Variants in PPM1H observed in about 807,000 individuals in gnomAD.
PPM1H encodes protein phosphatase 1H.
A neutral mutation model predicts 54.9 loss-of-function variants in PPM1H; 27 were observed. The observed-to-expected ratio is 0.49, with a 90% CI of 0.36 to 0.68. PPM1H has a LOEUF of 0.68. PPM1H is among the 30% of genes least tolerant of loss of function. The pLI, the probability that PPM1H is intolerant of heterozygous loss-of-function variation, is 0.00. For missense variants in PPM1H, 596 were observed against 667.8 expected (o/e 0.89, Z 1.19); for synonymous variants, 305 against 270.8 (o/e 1.13, Z -1.24).
chr12:62,926,724 G>T (rs1047067453), intron 1 of PPM1H, among the ~76,000 whole-genome samples: 1 of 152,206 alleles, frequency 6.6e-6, no homozygotes, highest in Non-Finnish European at 1.5e-5. Context: ...GGAGGCCGAG[G>T]TGGGCGGATC....
At chr12:62,757,060 G>A (rs1034724643) in intron 4 of PPM1H, among the ~76,000 whole-genome samples, 2 of 152,166 alleles carry the variant, frequency 1.3e-5, no homozygotes, top group Non-Finnish European at 2.9e-5. Context: ...CCCCAATGAT[G>A]AGACTCTGCA....
chr12:62,776,442 A>G (rs1256996671), intron 4 of PPM1H, among the ~76,000 whole-genome samples: 2 of 152,242 alleles, frequency 1.3e-5, no homozygotes, highest in African/African-American at 4.8e-5. Context: ...GTCTTTCCAT[A>G]CTGGTTTGCA....
chr12:62,702,702 C>T (rs900727754), intron 6 of PPM1H, among the ~76,000 whole-genome samples: 6 of 152,190 alleles, frequency 3.9e-5, no homozygotes, highest in Non-Finnish European at 2.9e-5. Flanking sequence ...ATGCTCCCTT[C>T]GGGGACAGCA....
chr12:62,752,671 C>T (rs777212024), intron 4 of PPM1H, among the ~76,000 whole-genome samples: 1 of 152,104 alleles, frequency 6.6e-6, no homozygotes, highest in Admixed American at 6.6e-5. Context: ...GAGTCCCATG[C>T]CAAATCCCCT....
At chr12:62,768,227 A>C (rs1316855754) in intron 4 of PPM1H, among the ~76,000 whole-genome samples, 1 of 152,156 alleles carries the variant, frequency 6.6e-6, no homozygotes, top group Non-Finnish European at 1.5e-5. Context: ...AGAAAGGAAA[A>C]GGCAGCAGGA....
At chr12:62,696,431 T>TC (rs958840077) in intron 6 of PPM1H, among the ~76,000 whole-genome samples, 2 of 152,064 alleles carry the variant, frequency 1.3e-5, no homozygotes, top group Admixed American at 6.5e-5. Context: ...GCACTCCCTC[T>TC]CCCCCAGCAA....
chr12:62,682,564 T>G (rs2136629516), intron 8 of PPM1H, among the ~76,000 whole-genome samples: 1 of 152,286 alleles, frequency 6.6e-6, no homozygotes, highest in African/African-American at 2.4e-5. Context: ...AGCAGTGGTG[T>G]GATCATAGCT....
At chr12:62,782,400 C>T (rs137865434) in intron 4 of PPM1H, among the ~76,000 whole-genome samples, 14 of 152,322 alleles carry the variant, frequency 9.2e-5, no homozygotes, top group Middle Eastern at 3.4e-3. Flanking sequence ...TACCTAACTC[C>T]TGTCCTCAGG....
chr12:62,850,940 T>C, intron 1 of PPM1H: 1 of 152,128 alleles, frequency 6.6e-6, no homozygotes, highest in East Asian at 1.9e-4. Flanking sequence ...CAGCCATAAT[T>C]GTTAATGTAA....
chr12:62,874,936 G>A (rs1207240260), intron 1 of PPM1H, among the ~76,000 whole-genome samples: 1 of 152,122 alleles, frequency 6.6e-6, no homozygotes, highest in East Asian at 1.9e-4. Flanking sequence ...GGAGTGGAAG[G>A]GACACATAGG....
At chr12:62,720,739 G>GT (rs2076259026) in intron 5 of PPM1H, 1 of 164,788 alleles carries the variant, frequency 6.1e-6, no homozygotes, top group East Asian at 1.7e-4. Flanking sequence ...TTGAGTGCTG[G>GT]TTGGGGCTGG....
intron 2 of PPM1H, among the ~76,000 whole-genome samples, chr12:62,831,707 ATGTGTGTGTGTGTG>A (rs371871033): frequency 1.7e-5 from 2 of 117,164 alleles, no homozygotes; most frequent in African/African-American, 6.7e-5. Context: ...TTGTGTGTGT[ATGTGTGTGTGTGTG>A]TGTGTGTGAG....
At chr12:62,716,704 A>AT in intron 6 of PPM1H, among the ~76,000 whole-genome samples, 1 of 152,196 alleles carries the variant, frequency 6.6e-6, no homozygotes, top group East Asian at 1.9e-4. Flanking sequence ...TTTAAAAAAA[A>AT]TTTGTTATAG....
intron 6 of PPM1H, among the ~76,000 whole-genome samples, chr12:62,713,442 A>G (rs2076218477): frequency 6.6e-6 from 1 of 151,858 alleles, no homozygotes; most frequent in African/African-American, 2.4e-5. Context: ...GGCTGATGAA[A>G]TGGGTCTCCC....
chr12:62,836,750 T>C lies in PPM1H; in HGVS notation c.246-4471A>G, dbSNP rs1250005370. ...GAGGTTGAAAGTGAAGCACAGCTAC[T>C]GTCTCCTCAATATGGAAAGTTTATA... On this transcript the variant is annotated intron_variant, in intron 1 of 9. Transcript: ENST00000228705. 3.3e-5 allele frequency among the ~76,000 whole-genome samples: 5 copies of C among 152,218 alleles called. No homozygotes were observed. The East Asian group carries it at 9.6e-4, about 29-fold the overall frequency.
At chr12:62,756,982 C>T (rs949763920) in intron 4 of PPM1H, among the ~76,000 whole-genome samples, 1 of 152,134 alleles carries the variant, frequency 6.6e-6, no homozygotes, top group Non-Finnish European at 1.5e-5. Context: ...ACAAGGGACA[C>T]TCAATGCTAT....
intron 1 of PPM1H, among the ~76,000 whole-genome samples, chr12:62,878,726 G>A (rs981238689): frequency 6.6e-6 from 1 of 151,408 alleles, no homozygotes; most frequent in Non-Finnish European, 1.5e-5. Context: ...GATCACTTGA[G>A]GTCAGGAGTT....
chr12:62,865,403 A>G lies in PPM1H; in HGVS notation c.246-33124T>C, dbSNP rs1335725422. Among the ~76,000 whole-genome samples, 7 of 152,118 alleles carry G rather than the reference A, an allele frequency of 4.6e-5. No homozygotes were observed. The South Asian group carries it at 8.3e-4, about 18-fold the overall frequency. ...ATATCCTCCCCTCCTCTGTCTCTCT[A>G]GTCTCCACATGCCCTTCAGGGTTCA... On this transcript the variant is annotated intron_variant, in intron 1 of 9. Transcript: ENST00000228705.
intron 1 of PPM1H, among the ~76,000 whole-genome samples, chr12:62,880,120 T>G (rs551670730): frequency 6.6e-6 from 1 of 152,154 alleles, no homozygotes; most frequent in African/African-American, 2.4e-5. Flanking sequence ...GAGAAAAAAG[T>G]TGTTAAAATA....
Sources: gnomAD v4.1 joint callset for allele counts (sites outside exome capture counted in the v4.1 genomes callset) on GRCh38, gnomAD v4.1.1 for gene constraint, MANE v1.5 for transcripts, NCBI Gene and HGNC (gene_info 2026-07-23, HGNC 2026-07-21) for gene names.